The following MAST4 variants were observed in gnomAD, a reference collection of about 807,000 sequenced individuals.
MAST4 encodes microtubule associated serine/threonine kinase family member 4.
A neutral mutation model predicts 162.7 loss-of-function variants in MAST4; 89 were observed. The observed-to-expected ratio is 0.55, with a 90% CI of 0.46 to 0.65. The LOEUF (loss-of-function observed/expected upper bound fraction) is 0.65, where lower values mean the gene tolerates loss of function less well. Among genes scored for constraint, MAST4 ranks in the 30% least tolerant of loss-of-function variants. The probability of loss-of-function intolerance (pLI) is 0.00; values close to 1 mark genes in which losing one functional copy is unlikely to be tolerated. For synonymous variants in MAST4, 1,479 were observed against 1,361.1 expected, an observed-to-expected ratio of 1.09 and a Z score of -1.91; for missense variants, 3,153 against 3,374.0, an observed-to-expected ratio of 0.93 and a Z score of 1.62.
At position 67,164,131 on chromosome 5, in the gene MAST4, A is replaced by C; in HGVS notation, c.4952A>C (p.His1651Pro). ...GGCACCCTCCAGGATGGTCTCTGCCACTCCCTCGACAGGGGCATCTCTGGG... is the reference window on the plus strand; with the variant it reads ...GGCACCCTCCAGGATGGTCTCTGCCCCTCCCTCGACAGGGGCATCTCTGGG... ...APGTLQDGLC[H>P]SLDRGISGKG... The change falls in exon 29 of 29, where the codon CAC becomes CCC. Residue 1651 changes from histidine (H) to proline (P), a missense_variant. Transcript: ENST00000403625. The surrounding 1 kb of genome is among the most constrained non-coding windows in gnomAD (Gnocchi z 5.3). The C allele has an allele frequency of 6.2e-7, 1 of 1,602,180 alleles. No homozygotes were observed.
chr5:67,021,041 T>C (rs1481398049), intron 4 of MAST4, among the ~76,000 whole-genome samples: 1 of 152,186 alleles, frequency 6.6e-6, no homozygotes, highest in Non-Finnish European at 1.5e-5. Flanking sequence ...CTAGCAAATA[T>C]AGAGACTCAA....
At chr5:66,862,917 T>G (rs1477552007) in intron 3 of MAST4, among the ~76,000 whole-genome samples, 1 of 152,252 alleles carries the variant, frequency 6.6e-6, no homozygotes, top group East Asian at 1.9e-4. Flanking sequence ...TTTCTCTTCC[T>G]GCTATCCCTC....
chr5:66,922,687 A>C (rs1764618965), intron 4 of MAST4, among the ~76,000 whole-genome samples: 1 of 152,248 alleles, frequency 6.6e-6, no homozygotes, highest in Non-Finnish European at 1.5e-5. Context: ...GAGATGTATG[A>C]ATAGAAAACT....
intron 4 of MAST4, among the ~76,000 whole-genome samples, chr5:67,034,592 C>T (rs1322553423): frequency 1.3e-5 from 2 of 152,162 alleles, no homozygotes; most frequent in Non-Finnish European, 2.9e-5. Context: ...GGACTGCGAG[C>T]TTTAAGCTTT....
chr5:66,852,975 G>GGAT (rs909855623), intron 3 of MAST4, among the ~76,000 whole-genome samples: 1 of 152,218 alleles, frequency 6.6e-6, no homozygotes. Flanking sequence ...GTGTCATAGT[G>GGAT]GATGGTACAC....
intron 1 of MAST4, among the ~76,000 whole-genome samples, chr5:66,758,245 A>G (rs1173826070): frequency 2.0e-5 from 3 of 151,956 alleles, no homozygotes; most frequent in African/African-American, 4.8e-5. Flanking sequence ...TTACTAATGA[A>G]TACAGTTATG....
intron 3 of MAST4, among the ~76,000 whole-genome samples, chr5:66,835,342 G>T (rs979304784): frequency 6.6e-6 from 1 of 152,026 alleles, no homozygotes; most frequent in South Asian, 2.1e-4. Flanking sequence ...TTCCATTCTT[G>T]CCTTAGCTGT....
rs763687394 is a variant in MAST4 at position 67,164,099 on chromosome 5, C to G, written c.4920C>G (p.Pro1640=). ...GTGGCGGGGACTTCAGACGGGCCCC[C>G]GCTCCTGGCACCCTCCAGGATGGTC... ...RQGGGDFRRA[P]APGTLQDGLC... The change falls in exon 29 of 29, where the codon CCC becomes CCG. Residue 1640 remains proline (P), a synonymous_variant. Transcript: ENST00000403625. This position sits in a 1 kb window ranked among gnomAD's most constrained non-coding sequence, Gnocchi z 5.3. 6 of 1,577,930 alleles carry G rather than the reference C, an allele frequency of 3.8e-6. No homozygotes were observed. Among genetic ancestry groups the G allele is most frequent in the Non-Finnish European group, 5.2e-6 (6 of 1,160,824 alleles).
At chr5:67,031,538 T>G (rs572083505) in intron 4 of MAST4, among the ~76,000 whole-genome samples, 8 of 152,100 alleles carry the variant, frequency 5.3e-5, no homozygotes, top group Non-Finnish European at 1.0e-4. Flanking sequence ...ATTTGCAAAA[T>G]TTTTCCCTAT....
chr5:66,982,152 T>C (rs1240598102), intron 4 of MAST4, among the ~76,000 whole-genome samples: 4 of 152,216 alleles, frequency 2.6e-5, no homozygotes, highest in African/African-American at 9.6e-5. Context: ...CAGGATCCAG[T>C]CTGCTCCTGT....
chr5:66,774,797 A>G (rs558515741), intron 2 of MAST4, among the ~76,000 whole-genome samples: 86 of 152,330 alleles, frequency 5.6e-4, no homozygotes, highest in African/African-American at 2.0e-3. Flanking sequence ...ATTAGCATAC[A>G]TATTCAAGTT....
intron 4 of MAST4, among the ~76,000 whole-genome samples, chr5:66,901,251 GA>G (rs1381811831): frequency 6.6e-6 from 1 of 151,944 alleles, no homozygotes; most frequent in African/African-American, 2.4e-5. Context: ...GAAAACTTCA[GA>G]ACTTCAGTCA....
At chr5:66,775,234 C>G (rs529431095) in intron 2 of MAST4, among the ~76,000 whole-genome samples, 6 of 152,152 alleles carry the variant, frequency 3.9e-5, no homozygotes, top group Admixed American at 2.0e-4. Flanking sequence ...AAGAAAATGA[C>G]CTGGCTTTCA....
intron 3 of MAST4, among the ~76,000 whole-genome samples, chr5:66,849,135 A>G (rs1051556543): frequency 5.3e-5 from 8 of 152,084 alleles, no homozygotes; most frequent in Admixed American, 2.6e-4. Context: ...TTGTATTGTG[A>G]TGAGGGGGTC....
chr5:66,838,649 C>A (rs986579389), intron 3 of MAST4, among the ~76,000 whole-genome samples: 1 of 152,102 alleles, frequency 6.6e-6, no homozygotes, highest in Non-Finnish European at 1.5e-5. Context: ...GGAAGGAAGC[C>A]GGGAAGCCTT....
intron 2 of MAST4, among the ~76,000 whole-genome samples, chr5:66,764,756 A>T (rs1342543676): frequency 6.6e-6 from 1 of 152,224 alleles, no homozygotes; most frequent in Non-Finnish European, 1.5e-5. Flanking sequence ...AAAGTCAGAA[A>T]GTTTAAAATT....
intron 4 of MAST4, among the ~76,000 whole-genome samples, chr5:66,919,900 CCTT>C (rs1561445914): frequency 0.02 from 51 of 2,536 alleles, no homozygotes; most frequent in Admixed American, 0.027. Context: ...TTTTCTCTCT[CCTT>C]CCTTCCTTCC....
chr5:67,128,286 A>T (rs1018038956), intron 14 of MAST4, among the ~76,000 whole-genome samples: 3 of 152,206 alleles, frequency 2.0e-5, no homozygotes, highest in Non-Finnish European at 4.4e-5. Context: ...TGGGAGCCCA[A>T]GGCTTTGGTC....
At chr5:66,796,487 A>G (rs1755651981) in intron 3 of MAST4, among the ~76,000 whole-genome samples, 1 of 152,166 alleles carries the variant, frequency 6.6e-6, no homozygotes, top group African/African-American at 2.4e-5. Flanking sequence ...CAGCTGGAGC[A>G]GCTCTCTGCA....
Sources: gnomAD v4.1 joint callset for allele counts (sites outside exome capture counted in the v4.1 genomes callset) on GRCh38, gnomAD v4.1.1 for gene constraint, Gnocchi (gnomAD v3.1) non-coding constraint, MANE v1.5 for transcripts, NCBI Gene and HGNC (gene_info 2026-07-23, HGNC 2026-07-21) for gene names.